Variants in SNX29 observed in about 807,000 individuals in gnomAD.
SNX29 encodes sorting nexin-29.
In SNX29, 78 loss-of-function variants were observed where a neutral mutation model predicts 102.1. That is an observed-to-expected ratio of 0.76 (90% CI 0.64 to 0.92). The LOEUF (loss-of-function observed/expected upper bound fraction) is 0.92, where lower values mean the gene tolerates loss of function less well. Ranked by LOEUF, SNX29 falls within the 40% of genes least tolerant of loss-of-function variation. The probability of loss-of-function intolerance (pLI) is 0.00; values close to 1 mark genes in which losing one functional copy is unlikely to be tolerated. For missense variants in SNX29, 1,280 were observed against 1,061.7 expected (o/e 1.21, Z -2.86); for synonymous variants, 580 against 414.5 (o/e 1.40, Z -4.85).
intron 20 of SNX29, among the ~76,000 whole-genome samples, chr16:12,553,050 A>T (rs925142092): frequency 6.6e-6 from 1 of 152,216 alleles, no homozygotes; most frequent in African/African-American, 2.4e-5. Context: ...CACTAATTGG[A>T]GATGGTAACT....
intron 6 of SNX29, 50 bp downstream of exon 6, chr16:12,046,504 G>A (rs1306270308): frequency 1.5e-5 from 23 of 1,580,898 alleles, no homozygotes. Flanking sequence ...CTTGGCAGAG[G>A]GGCTGCCTTG....
At chr16:12,036,067 GT>G (rs550002780) in intron 4 of SNX29, among the ~76,000 whole-genome samples, 2 of 151,918 alleles carry the variant, frequency 1.3e-5, no homozygotes, top group African/African-American at 4.8e-5. Flanking sequence ...TTGTGTGTGG[GT>G]TTTTTTCTTT....
At chr16:12,466,548 C>T (rs956470861) in intron 18 of SNX29, among the ~76,000 whole-genome samples, 19 of 152,320 alleles carry the variant, frequency 1.2e-4, no homozygotes, top group East Asian at 3.9e-4. Context: ...CTTCCAGAGT[C>T]GCGGCCTGTC....
intron 20 of SNX29, among the ~76,000 whole-genome samples, chr16:12,563,533 G>GTCTC (rs1555462414): frequency 6.6e-6 from 1 of 152,184 alleles, no homozygotes; most frequent in Non-Finnish European, 1.5e-5. Context: ...AAATTGAGTT[G>GTCTC]TCTCCCACCA....
At chr16:12,535,193 C>T (rs921058871) in intron 20 of SNX29, among the ~76,000 whole-genome samples, 1 of 152,194 alleles carries the variant, frequency 6.6e-6, no homozygotes, top group South Asian at 2.1e-4. Context: ...GGCTGGAGTG[C>T]AGTGGTGTGA....
chr16:12,006,131 G>T (rs934286276), intron 3 of SNX29, among the ~76,000 whole-genome samples: 21 of 151,904 alleles, frequency 1.4e-4, no homozygotes, highest in African/African-American at 3.9e-4. Flanking sequence ...TTGAGGCCAG[G>T]AGTTCAAGGC....
intron 13 of SNX29, among the ~76,000 whole-genome samples, chr16:12,194,074 T>A (rs2076711265): frequency 6.6e-6 from 1 of 152,196 alleles, no homozygotes; most frequent in Non-Finnish European, 1.5e-5. Context: ...ATAGATCAAT[T>A]TTGGGGAAAT....
At chr16:12,486,611 C>G (rs2088247383) in intron 19 of SNX29, among the ~76,000 whole-genome samples, 3 of 152,246 alleles carry the variant, frequency 2.0e-5, no homozygotes, top group Non-Finnish European at 2.9e-5. Flanking sequence ...ACAGCCTATC[C>G]CACAAGAAGG....
chr16:12,444,426 A>G (rs1387774185), intron 18 of SNX29, among the ~76,000 whole-genome samples: 1 of 152,230 alleles, frequency 6.6e-6, no homozygotes, highest in African/African-American at 2.4e-5. Context: ...CTTCCAGCCC[A>G]TGGTGGTTCC....
At chr16:12,075,565 C>T (rs557051362) in intron 10 of SNX29, among the ~76,000 whole-genome samples, 1 of 152,308 alleles carries the variant, frequency 6.6e-6, no homozygotes, top group South Asian at 2.1e-4. Flanking sequence ...AGGTGTCAGT[C>T]TGCCCCTACT....
chr16:12,319,553 C>A (rs1027831256), intron 15 of SNX29, among the ~76,000 whole-genome samples: 2 of 152,170 alleles, frequency 1.3e-5, no homozygotes, highest in Non-Finnish European at 2.9e-5. Flanking sequence ...TTTCCAGCTG[C>A]CATTTGTTGA....
intron 10 of SNX29, among the ~76,000 whole-genome samples, chr16:12,076,735 C>T (rs2051594150): frequency 6.6e-6 from 1 of 152,198 alleles, no homozygotes; most frequent in East Asian, 1.9e-4. Context: ...TTCTGTCTCT[C>T]CTCTTGGCTG....
At chr16:12,216,707 C>T (rs192664748) in intron 14 of SNX29, among the ~76,000 whole-genome samples, 1 of 150,874 alleles carries the variant, frequency 6.6e-6, no homozygotes, top group African/African-American at 2.4e-5. Context: ...TGCCCATGTG[C>T]CCTCCCCACC....
In SNX29 at chr16:12,568,845, G is replaced by A; in HGVS notation, c.*216G>A. On this transcript the variant is annotated 3_prime_UTR_variant, in exon 21 of 21. Coordinates refer to ENST00000566228, the MANE Select transcript of SNX29 (RefSeq NM_032167.5). ...GAGAGACCAAGGCAGCACCTCGCTG[G>A]AGAGACTGGGACACACAGTCCTTCT... 1.5e-6 allele frequency: 1 copy of A among 688,540 alleles called. No individual in the cohort carries two copies. The highest frequency in any genetic ancestry group is 2.0e-5 in the South Asian group (1 of 50,506). The allele number at this position is 688,540 out of a possible 1,614,324, so 42.7% of individuals were successfully genotyped here. A position where few individuals can be genotyped will look rare whatever the true frequency, so the allele number is the denominator to read the frequency against.
chr16:12,527,417 C>T (rs563784591), intron 20 of SNX29: 151 of 441,642 alleles, frequency 3.4e-4, no homozygotes, highest in South Asian at 2.9e-3. Flanking sequence ...CATAATTATT[C>T]TTATAAATTT....
chr16:12,553,702 C>G (rs115959104), intron 20 of SNX29, among the ~76,000 whole-genome samples: 3 of 150,270 alleles, frequency 2.0e-5, no homozygotes, highest in East Asian at 2.0e-4. Flanking sequence ...ACAATTCTGC[C>G]TCAGCCTACC....
At chr16:12,118,316 T>TC (rs1292052010) in intron 11 of SNX29, among the ~76,000 whole-genome samples, 3 of 130,676 alleles carry the variant, frequency 2.3e-5, no homozygotes, top group East Asian at 2.6e-4. Context: ...AGACCACCTT[T>TC]TTTTTTTTTT....
intron 18 of SNX29, among the ~76,000 whole-genome samples, chr16:12,431,207 C>G (rs921708462): frequency 1.3e-5 from 2 of 152,006 alleles, no homozygotes; most frequent in African/African-American, 4.8e-5. Flanking sequence ...CCTGTGAGCT[C>G]TCCCAGGCCC....
chr16:12,314,663 T>G (rs1186050119), intron 15 of SNX29, among the ~76,000 whole-genome samples: 2 of 152,248 alleles, frequency 1.3e-5, no homozygotes, highest in African/African-American at 4.8e-5. Context: ...TCCTGTGAGC[T>G]TTTGCAACTG....
Sources: gnomAD v4.1 joint callset for allele counts (sites outside exome capture counted in the v4.1 genomes callset) on GRCh38, gnomAD v4.1.1 for gene constraint, MANE v1.5 for transcripts, NCBI Gene and HGNC (gene_info 2026-07-23, HGNC 2026-07-21) for gene names.